SPEG: variants seen among roughly 807,000 people sequenced by gnomAD.
SPEG encodes striated muscle preferentially expressed protein kinase.
Under a neutral mutation model 300.4 loss-of-function variants are expected in SPEG, and 114 were observed. The observed-to-expected ratio is 0.38, with a 90% CI of 0.33 to 0.44. The LOEUF is 0.44. Ranked by LOEUF, SPEG falls within the 20% of genes least tolerant of loss-of-function variation. The pLI is 1.00. For missense variants in SPEG, 4,201 were observed against 4,586.2 expected (o/e 0.92, Z 2.43); for synonymous variants, 1,964 against 2,018.9 (o/e 0.97, Z 0.73).
In SPEG at chr2:219,488,196, T is replaced by A. The variant is rs557038705; in HGVS notation, c.7744T>A (p.Phe2582Ile). The change falls in exon 32 of 41, where the codon TTC (phenylalanine) becomes ATC (isoleucine). Residue 2582 changes from phenylalanine (F) to isoleucine (I), a missense_variant and splice_region_variant. Physicochemically the swap from Phe to Ile is conservative, Grantham distance 21 (BLOSUM62 0). Coordinates refer to ENST00000312358, the MANE Select transcript of SPEG (RefSeq NM_005876.5). Reference sequence around the variant, plus strand: ...GGCTGTCTCTGCTTTTCCTCCAGACTTCCCCCCAGTCTTCCACATCAAACT... The same window carrying A: ...GGCTGTCTCTGCTTTTCCTCCAGACATCCCCCCAGTCTTCCACATCAAACT... ...GHQYVRSESD[F>I]PPVFHIKLKD... 23 of 1,610,262 alleles carry A rather than the reference T, an allele frequency of 1.4e-5. No homozygotes were observed. The highest frequency in any genetic ancestry group is 2.2e-5 in the East Asian group (1 of 44,754).
chr2:219,463,572 C>T (rs1248078149), intron 8 of SPEG, among the ~76,000 whole-genome samples: 3 of 151,622 alleles, frequency 2.0e-5, no homozygotes, highest in Non-Finnish European at 4.4e-5. Context: ...TGCCACCACA[C>T]CCAGCTAATT....
rs768851335 is a variant in SPEG, at chr2:219,492,251, T to C, written c.9602T>C (p.Val3201Ala). Residue 3201 changes from valine to alanine, a missense_variant, in exon 40 of 41, where the codon GTA becomes GCA. Val to Ala is a moderately conservative substitution (Grantham distance 64). Transcript: ENST00000312358. ...ATLFLRKVLS[V>A]HPWSRPSLQD... ...CTCTTCTTGCGAAAGGTTCTCTCTG[T>C]ACATCCCTGGTGAGTGAGCCCCACA... is the stretch of plus-strand genomic sequence containing the variant. 3.5e-5 allele frequency: 57 copies of C among 1,613,136 alleles called. 1 individual carries two copies. The South Asian group carries it at 5.7e-4, about 16-fold the overall frequency.
intron 1 of SPEG, among the ~76,000 whole-genome samples, chr2:219,442,843 T>C (rs1029814780): frequency 2.6e-5 from 4 of 152,058 alleles, no homozygotes; most frequent in Non-Finnish European, 4.4e-5. Context: ...TCCAGTGGGA[T>C]GTTCCAGCTT....
Position 219,473,367 on chromosome 2 carries a change from C to A in SPEG, c.4148-137C>A. Reference sequence around the variant, plus strand: ...CTCTGGCTGTGTTCCCCTGACAAATCGCTAAACCTCTCTGAGCTTCAGCTT... The same window carrying A: ...CTCTGGCTGTGTTCCCCTGACAAATAGCTAAACCTCTCTGAGCTTCAGCTT... On this transcript the variant is annotated intron_variant, in intron 16 of 40. Transcript: ENST00000312358. The surrounding 1 kb of genome is among the most constrained non-coding windows in gnomAD (Gnocchi z 4.6). The A allele has an allele frequency of 1.1e-6, 1 of 935,288 alleles. No homozygotes were observed. The highest frequency in any genetic ancestry group is 2.4e-5 in the Admixed American group (1 of 41,980). 57.9% of individuals were successfully genotyped at this position (935,288 alleles called of 1,614,324 possible).
chr2:219,469,034 C>A lies in SPEG; in HGVS notation c.3477C>A (p.Ala1159=), dbSNP rs372151356. The change falls in exon 12 of 41, where the codon GCC becomes GCA. Residue 1159 remains alanine, a synonymous_variant. Transcript: ENST00000312358. The stretch of plus-strand genomic sequence containing the variant: ...TGTATGTAGAAGAGCCCCGGACAGC[C>A]GCCTCAGGCCCCAGGTACCACCGGG... ...AQLYVEEPRT[A]ASGPSSKLEK... The A allele has an allele frequency of 6.2e-7, 1 of 1,612,126 alleles. No homozygotes were observed. Among genetic ancestry groups the A allele is most frequent in the Non-Finnish European group, 8.5e-7 (1 of 1,179,110 alleles).
In SPEG at chr2:219,481,455, C is replaced by T; in HGVS notation, c.5521C>T (p.Leu1841=). The change falls in exon 27 of 41, where the codon CTG becomes TTG. Residue 1841 remains leucine, a splice_region_variant and synonymous_variant. Coordinates refer to ENST00000312358, the MANE Select transcript of SPEG (RefSeq NM_005876.5). This position sits in a 1 kb window ranked among gnomAD's most constrained non-coding sequence, Gnocchi z 5.4. ...CATCAAAGTGTTGGTGCAGGACCGG[C>T]TGTGAGTACAAGGCCCTGGGAGCCC... ...FLIKVLVQDR[L]RPTAEETLEH... is the part of the protein sequence containing the mutation. 1 of 1,614,066 alleles carries T rather than the reference C, an allele frequency of 6.2e-7. No homozygotes were observed. Among genetic ancestry groups the T allele is most frequent in the Non-Finnish European group, 8.5e-7 (1 of 1,179,956 alleles).
Position 219,480,053 on chromosome 2 carries a change from A to G in SPEG, c.5255A>G (p.Glu1752Gly). ...AATGCCCAGGAGCTGACTCCAGGAG[A>G]GCCCCAGTACTGCCAGTATGGCACA... ...FGNAQELTPGEPQYCQYGTPE... is the reference protein window; with the variant it reads ...FGNAQELTPGGPQYCQYGTPE... The change falls in exon 25 of 41, where the codon GAG (glutamate) becomes GGG (glycine). Residue 1752 changes from glutamate (E) to glycine (G), a missense_variant. Physicochemically the swap from Glu to Gly is moderately conservative, Grantham distance 98 (BLOSUM62 -2). Transcript: ENST00000312358. This position sits in a 1 kb window ranked among gnomAD's most constrained non-coding sequence, Gnocchi z 5.3. The G allele has an allele frequency of 1.9e-6, 3 of 1,614,010 alleles. No homozygotes were observed. Among genetic ancestry groups the G allele is most frequent in the Non-Finnish European group, 2.5e-6 (3 of 1,179,996 alleles).
In SPEG at chr2:219,489,696, C is replaced by T. The variant is rs1575197949; in HGVS notation, c.8678C>T (p.Pro2893Leu). The change falls in exon 36 of 41, where the codon CCA becomes CTA. Residue 2893 changes from proline to leucine, a missense_variant. Physicochemically the swap from Pro to Leu is moderately conservative, Grantham distance 98. Around this residue, in one of 4 missense-constraint regions of SPEG, gnomAD observed 1,578 missense variants for 1,506.0 expected, o/e 1.05. Transcript: ENST00000312358. ...GCCTCCACTCCTCAAGGGGTTAAAC[C>T]AGTGTCTTCCTCTACTCCTGTGTAT... ...IPASTPQGVK[P>L]VSSSTPVYVV... 6.2e-7 allele frequency: 1 copy of T among 1,614,154 alleles called. No individual in the cohort carries two copies. The highest frequency in any genetic ancestry group is 2.2e-5 in the East Asian group (1 of 44,880).
chr2:219,472,335 G>A lies in SPEG; in HGVS notation c.3940+4G>A. The A allele has an allele frequency of 6.2e-7, 1 of 1,612,382 alleles. No homozygotes were observed. Among genetic ancestry groups the A allele is most frequent in the African/African-American group, 1.3e-5 (1 of 75,056 alleles). ...AGGAGTCTGGACATGGCCATCGGTG[G>A]GTCAGGGCTGCACAGGGCCATGGGT... On this transcript the variant is annotated splice_donor_region_variant and intron_variant, in intron 15 of 40. Coordinates refer to ENST00000312358, the MANE Select transcript of SPEG (RefSeq NM_005876.5).
Position 219,485,004 on chromosome 2 carries a change from A to T in SPEG, c.7541A>T (p.Gln2514Leu). ...LGLPHNQLAA[Q>L]AGATTPSAES... ...CTTCCGCACAACCAGTTGGCCGCCC[A>T]GGCCGGCGCCACCACGCCTTCCGCC... Residue 2514 changes from glutamine (Q) to leucine (L), a missense_variant, in exon 30 of 41, where the codon CAG becomes CTG. By Grantham distance (113) the Gln-to-Leu change is moderately radical. This residue lies in a region of SPEG where 1,578 missense variants were observed against 1,506.0 expected (regional missense o/e 1.05). Coordinates refer to ENST00000312358, the MANE Select transcript of SPEG (RefSeq NM_005876.5). The T allele has an allele frequency of 1.3e-6, 2 of 1,531,462 alleles. No homozygotes were observed. Among genetic ancestry groups the T allele is most frequent in the South Asian group, 1.2e-5 (1 of 83,802 alleles). 94.9% of individuals were successfully genotyped at this position (1,531,462 alleles called of 1,614,324 possible).
chr2:219,488,977 C>T (rs1031258160), intron 34 of SPEG, 77 bp downstream of exon 34: 18 of 1,604,750 alleles, frequency 1.1e-5, no homozygotes, highest in Non-Finnish European at 1.3e-5. Context: ...AGTGCCCTCC[C>T]AGGCTCCACA....
chr2:219,485,160 C>T, intron 30 of SPEG, 88 bp downstream of exon 30: 1 of 1,500,478 alleles, frequency 6.7e-7, no homozygotes, highest in Non-Finnish European at 9.0e-7. Context: ...GGGCTGGGGA[C>T]ACCCACCAGG....
Position 219,473,835 on chromosome 2 carries a change from G to C in SPEG, c.4379G>C (p.Gly1460Ala), listed in dbSNP as rs1233704630. ...TGCCGGGTGAGCCGCCGGGACATGG[G>C]GGCCCTCACCTGCACCGCCCGAAAC... is the stretch of plus-strand genomic sequence containing the variant. ...RICRVSRRDM[G>A]ALTCTARNRH... The change falls in exon 18 of 41, where the codon GGG (glycine) becomes GCG (alanine). Residue 1460 changes from glycine to alanine, a missense_variant. Around this residue, in one of 4 missense-constraint regions of SPEG, gnomAD observed 1,047 missense variants for 1,356.8 expected, o/e 0.77. Coordinates refer to ENST00000312358, the MANE Select transcript of SPEG (RefSeq NM_005876.5). This position sits in a 1 kb window ranked among gnomAD's most constrained non-coding sequence, Gnocchi z 4.6. 2 of 1,613,686 alleles carry C rather than the reference G, an allele frequency of 1.2e-6. No homozygotes were observed. The highest frequency in any genetic ancestry group is 2.7e-5 in the African/African-American group (2 of 74,936).
At chr2:219,460,901 G>A (rs989000975) in intron 6 of SPEG, 5 of 986,192 alleles carry the variant, frequency 5.1e-6, no homozygotes, top group African/African-American at 1.7e-5. Flanking sequence ...GGGGAGCCAC[G>A]CTGGGGTGGG....
In SPEG at chr2:219,492,170, T is replaced by C. The variant is rs1694035737; in HGVS notation, c.9521T>C (p.Val3174Ala). Residue 3174 changes from valine to alanine, a missense_variant, in exon 40 of 41, where the codon GTG becomes GCG. Transcript: ENST00000312358. ...PDPQETEARI[V>A]GGRFDAFQLY... is the part of the protein sequence containing the mutation. Reference sequence around the variant, plus strand: ...CCCCAGGAAACGGAGGCTCGGATTGTGGGGGGCCGCTTTGATGCCTTCCAG... The same window carrying C: ...CCCCAGGAAACGGAGGCTCGGATTGCGGGGGGCCGCTTTGATGCCTTCCAG... 2 of 1,613,750 alleles carry C rather than the reference T, an allele frequency of 1.2e-6. No individual in the cohort carries two copies. The highest frequency in any genetic ancestry group is 4.5e-5 in the East Asian group (2 of 44,872).
Position 219,482,731 on chromosome 2 carries a change from T to C in SPEG, c.5566-53T>C, listed in dbSNP as rs922893200. 2.4e-5 allele frequency: 37 copies of C among 1,559,942 alleles called. No individual in the cohort carries two copies. The African/African-American group carries it at 4.1e-4, about 17-fold the overall frequency. ...GACTTTGTCTCTCTGTTGCCAAACC[T>C]GGAGGGTCTAGGTTGACAGCTTTCC... On this transcript the variant is annotated intron_variant, in intron 28 of 40. Coordinates refer to ENST00000312358, the MANE Select transcript of SPEG (RefSeq NM_005876.5).
Position 219,444,513 on chromosome 2 carries a change from G to A in SPEG, c.389-140G>A. ...CAGCCCAGGCTGGGCAGGGGATGTG[G>A]GGAGCAAAAGAGAGGAGGTGCTGGC... is the stretch of plus-strand genomic sequence containing the variant. On this transcript the variant is annotated intron_variant, in intron 1 of 40. Coordinates refer to ENST00000312358, the MANE Select transcript of SPEG (RefSeq NM_005876.5). The surrounding 1 kb of genome is among the most constrained non-coding windows in gnomAD (Gnocchi z 7.8). 1 of 699,896 alleles carries A rather than the reference G, an allele frequency of 1.4e-6. No individual in the cohort carries two copies. Among genetic ancestry groups the A allele is most frequent in the Non-Finnish European group, 2.5e-6 (1 of 399,838 alleles). 43.4% of individuals were successfully genotyped at this position (699,896 alleles called of 1,614,324 possible).
rs375946892 is a variant in SPEG at position 219,467,322 on chromosome 2, T to C, written c.3030T>C (p.Pro1010=). The C allele has an allele frequency of 1.2e-6, 2 of 1,611,660 alleles. No homozygotes were observed. Among genetic ancestry groups the C allele is most frequent in the African/African-American group, 1.3e-5 (1 of 74,944 alleles). The change falls in exon 10 of 41, where the codon CCT becomes CCC. Residue 1010 remains proline, a synonymous_variant. Coordinates refer to ENST00000312358, the MANE Select transcript of SPEG (RefSeq NM_005876.5). The part of the protein sequence containing the change: ...DWLCRGRLLQ[P]ALLKCKMHFD... ...TGTGCCGTGGCCGCCTGCTGCAGCC[T>C]GCACTGCTCAAATGCAAGATGCATT... is the stretch of plus-strand genomic sequence containing the variant.
intron 1 of SPEG, among the ~76,000 whole-genome samples, chr2:219,436,760 G>A (rs1237775989): frequency 3.3e-5 from 5 of 152,206 alleles, no homozygotes; most frequent in African/African-American, 1.2e-4. Context: ...ACCTGGACAA[G>A]TACAGGCCTC....
Sources: gnomAD v4.1 joint callset for allele counts (sites outside exome capture counted in the v4.1 genomes callset) on GRCh38, gnomAD v4.1.1 for gene constraint, gnomAD v4.1.1 regional missense constraint, Gnocchi (gnomAD v3.1) non-coding constraint, MANE v1.5 for transcripts, NCBI Gene and HGNC (gene_info 2026-07-23, HGNC 2026-07-21) for gene names.